PKIG: variants seen among roughly 807,000 people sequenced by gnomAD.
PKIG encodes protein kinase (cAMP-dependent, catalytic) inhibitor gamma.
Under a neutral mutation model 6.8 loss-of-function variants are expected in PKIG, and 1 was observed. That is an observed-to-expected ratio of 0.15 (90% CI 0.05 to 0.69). PKIG has a LOEUF of 0.69. PKIG is among the 30% of genes least tolerant of loss of function. The pLI is 0.82. For missense variants in PKIG, 77 were observed against 104.0 expected, an observed-to-expected ratio of 0.74 and a Z score of 1.13; for synonymous variants, 39 against 43.0, an observed-to-expected ratio of 0.91 and a Z score of 0.36.
chr20:44,533,949 T>G (rs1362396890), intron 1 of PKIG, among the ~76,000 whole-genome samples: 3 of 152,096 alleles, frequency 2.0e-5, no homozygotes, highest in Non-Finnish European at 4.4e-5. Flanking sequence ...TTGAGCAGAT[T>G]TGGTGAAATG....
At chr20:44,535,642 A>G (rs2064505830) in intron 1 of PKIG, among the ~76,000 whole-genome samples, 1 of 152,014 alleles carries the variant, frequency 6.6e-6, no homozygotes, top group Non-Finnish European at 1.5e-5. Flanking sequence ...ACTCCATCTC[A>G]AAAAAAAGGA....
intron 1 of PKIG, among the ~76,000 whole-genome samples, chr20:44,564,584 T>A (rs867585189): frequency 9.2e-5 from 14 of 152,334 alleles, no homozygotes; most frequent in Middle Eastern, 3.4e-3. Flanking sequence ...TATTATTATT[T>A]TTTTTAGAGA....
chr20:44,610,088 G>T (rs1206859444), intron 2 of PKIG, among the ~76,000 whole-genome samples: 1 of 152,192 alleles, frequency 6.6e-6, no homozygotes, highest in African/African-American at 2.4e-5. Flanking sequence ...GAACTTCCGG[G>T]AATTCTTTTA....
intron 2 of PKIG, among the ~76,000 whole-genome samples, chr20:44,613,265 A>T (rs2065235102): frequency 6.6e-6 from 1 of 152,170 alleles, no homozygotes; most frequent in Admixed American, 6.5e-5. Context: ...TCCCGGGTTC[A>T]TGCCATTCTC....
upstream of PKIG, among the ~76,000 whole-genome samples, chr20:44,578,088 C>T (rs2064914576): frequency 1.3e-5 from 2 of 151,986 alleles, no homozygotes; most frequent in African/African-American, 2.4e-5. Flanking sequence ...TGCCTGTAAT[C>T]CCAGCACTTT....
chr20:44,545,006 G>A (rs924667395), intron 1 of PKIG, among the ~76,000 whole-genome samples: 4 of 129,372 alleles, frequency 3.1e-5, no homozygotes, highest in African/African-American at 9.2e-5. Context: ...CACAATCTTG[G>A]TTCACTACAA....
In PKIG at chr20:44,611,182, GTAAC is replaced by G. The variant is rs548859467; in HGVS notation, c.-23-3350_-23-3347del. On this transcript the variant is annotated intron_variant, in intron 2 of 3. Coordinates refer to ENST00000372886, the MANE Select transcript of PKIG (RefSeq NM_001281445.2). ...AGATTCTCCTGTCTCAGCCTCCAGA[GTAAC>G]TGAGACTACAGGCGTGTGCTACCAC... 3.2e-3 allele frequency among the ~76,000 whole-genome samples: 486 copies of G among 151,780 alleles called. 1 individual carries two copies. Among genetic ancestry groups the G allele is most frequent in the Non-Finnish European group, 5.3e-3 (362 of 67,926 alleles).
chr20:44,561,323 C>G (rs1028172402), intron 1 of PKIG, among the ~76,000 whole-genome samples: 54 of 151,600 alleles, frequency 3.6e-4, no homozygotes, highest in African/African-American at 1.3e-3. Flanking sequence ...GGTGACAGTG[C>G]GAGACTCCGT....
intron 2 of PKIG, among the ~76,000 whole-genome samples, chr20:44,595,249 G>A (rs527756577): frequency 2.6e-5 from 4 of 152,204 alleles, no homozygotes; most frequent in Non-Finnish European, 4.4e-5. Flanking sequence ...TCTGGGCAAA[G>A]TATCTGTAGC....
intron 2 of PKIG, among the ~76,000 whole-genome samples, chr20:44,598,046 T>G (rs904636882): frequency 6.6e-6 from 1 of 152,240 alleles, no homozygotes; most frequent in Non-Finnish European, 1.5e-5. Flanking sequence ...TTGGATCTTT[T>G]ATGCAGTTGC....
intron 2 of PKIG, among the ~76,000 whole-genome samples, chr20:44,595,797 C>CCACT (rs1276535103): frequency 6.6e-6 from 1 of 152,064 alleles, no homozygotes; most frequent in Non-Finnish European, 1.5e-5. Flanking sequence ...CAGGTGTGAA[C>CCACT]CACTGCGCCT....
At chr20:44,599,920 A>G (rs1277709452) in intron 2 of PKIG, among the ~76,000 whole-genome samples, 1 of 152,068 alleles carries the variant, frequency 6.6e-6, no homozygotes, top group Non-Finnish European at 1.5e-5. Context: ...ACCACACCAC[A>G]TTACCCTCCG....
chr20:44,565,257 A>G (rs1600855894), intron 1 of PKIG, among the ~76,000 whole-genome samples: 2 of 152,206 alleles, frequency 1.3e-5, no homozygotes, highest in South Asian at 2.1e-4. Context: ...TGAATAAAAT[A>G]TAAAATTTTC....
intron 2 of PKIG, among the ~76,000 whole-genome samples, chr20:44,606,381 C>T (rs951316466): frequency 6.6e-6 from 1 of 152,168 alleles, no homozygotes; most frequent in Non-Finnish European, 1.5e-5. Context: ...ATCTGATATA[C>T]CTACTGGGGA....
At chr20:44,545,156 G>A (rs1484212111) in intron 1 of PKIG, among the ~76,000 whole-genome samples, 4 of 151,754 alleles carry the variant, frequency 2.6e-5, no homozygotes, top group East Asian at 1.9e-4. Flanking sequence ...GGCCAGTCTC[G>A]AACTCCTGAC....
At position 44,603,104 on chromosome 20, in the gene PKIG, G is replaced by C. The variant is rs146177528; in HGVS notation, c.-23-11430G>C. 3.0e-4 allele frequency among the ~76,000 whole-genome samples: 46 copies of C among 152,218 alleles called. 1 individual carries two copies. The highest frequency in any genetic ancestry group is 1.1e-3 in the African/African-American group (44 of 41,516). Reference sequence around the variant, plus strand: ...CAAGTATGTGCAGGGCCTTCTGGACGTAACAGTAAACACACCAGCCAGGGT... The same window carrying C: ...CAAGTATGTGCAGGGCCTTCTGGACCTAACAGTAAACACACCAGCCAGGGT... On this transcript the variant is annotated intron_variant, in intron 2 of 3. Coordinates refer to ENST00000372886, the MANE Select transcript of PKIG (RefSeq NM_001281445.2).
At chr20:44,607,314 GGTGTGTGTGTGT>G (rs11472265) in intron 2 of PKIG, among the ~76,000 whole-genome samples, 3 of 147,590 alleles carry the variant, frequency 2.0e-5, no homozygotes, top group African/African-American at 7.5e-5. Flanking sequence ...TTGTTTCCAA[GGTGTGTGTGTGT>G]GTGTGTTTGT....
intron 1 of PKIG, among the ~76,000 whole-genome samples, chr20:44,587,432 C>T (rs180800135): frequency 2.6e-5 from 4 of 152,288 alleles, no homozygotes; most frequent in Admixed American, 2.6e-4. Context: ...TCCCCCGTGG[C>T]TTCAGAGGGG....
At chr20:44,546,812 C>G (rs111555146) in intron 1 of PKIG, among the ~76,000 whole-genome samples, 11,284 of 152,062 alleles carry the variant, frequency 0.074, 565 homozygotes, top group African/African-American at 0.14. Context: ...TCTCAGCGTC[C>G]CAAAGTGCTG....
Sources: allele counts gnomAD v4.1 joint callset (sites outside exome capture counted in the v4.1 genomes callset), GRCh38; gene constraint gnomAD v4.1.1; transcripts MANE v1.5; gene names NCBI Gene and HGNC (gene_info 2026-07-23, HGNC 2026-07-21).